The following PLCE1 variants were observed in gnomAD, a reference collection of about 807,000 sequenced individuals.
PLCE1 encodes the protein 1-phosphatidylinositol 4,5-bisphosphate phosphodiesterase epsilon-1.
A neutral mutation model predicts 242.8 loss-of-function variants in PLCE1; 119 were observed. The observed-to-expected ratio is 0.49, with a 90% CI of 0.42 to 0.57. The LOEUF is 0.57. Ranked by LOEUF, PLCE1 falls within the 20% of genes least tolerant of loss-of-function variation. The pLI, the probability that PLCE1 is intolerant of heterozygous loss-of-function variation, is 0.00. For missense variants in PLCE1, 2,441 were observed against 2,788.8 expected (o/e 0.88, Z 2.81); for synonymous variants, 945 against 1,017.4 (o/e 0.93, Z 1.35).
intron 32 of PLCE1, among the ~76,000 whole-genome samples, chr10:94,326,075 T>C (rs954934083): frequency 1.3e-5 from 2 of 152,166 alleles, no homozygotes; most frequent in African/African-American, 4.8e-5. Context: ...CAGTGGTAAG[T>C]CTCTCCTTTT....
chr10:94,105,088 C>G (rs1482808940), intron 2 of PLCE1: 1 of 152,100 alleles, frequency 6.6e-6, no homozygotes, highest in East Asian at 1.9e-4. Context: ...TTTGTGATGC[C>G]ATGAAAATGA....
At chr10:94,067,717 A>C (rs2044237872) in intron 2 of PLCE1, among the ~76,000 whole-genome samples, 1 of 152,228 alleles carries the variant, frequency 6.6e-6, no homozygotes, top group Non-Finnish European at 1.5e-5. Context: ...ATTAGTGGAA[A>C]GAGTCATCTA....
chr10:94,227,918 C>T (rs1435812597), intron 5 of PLCE1, among the ~76,000 whole-genome samples: 1 of 152,218 alleles, frequency 6.6e-6, no homozygotes, highest in Non-Finnish European at 1.5e-5. Flanking sequence ...TTAACAAACA[C>T]TATATGTCAA....
intron 32 of PLCE1, 25 bp downstream of exon 32, chr10:94,325,129 T>G: frequency 6.7e-7 from 1 of 1,499,876 alleles, no homozygotes; most frequent in Non-Finnish European, 9.3e-7. Context: ...TGCACCATCC[T>G]GGAACAGGGC....
chr10:94,059,455 A>G (rs142012059), intron 2 of PLCE1, among the ~76,000 whole-genome samples: 3 of 152,106 alleles, frequency 2.0e-5, no homozygotes. Context: ...CTGGGTGGAG[A>G]TCTCAGATGA....
At chr10:94,131,746 G>A (rs964538571) in intron 2 of PLCE1, among the ~76,000 whole-genome samples, 4 of 152,212 alleles carry the variant, frequency 2.6e-5, no homozygotes, top group African/African-American at 9.6e-5. Flanking sequence ...GTTTAAGCAT[G>A]GAGAAAAGAT....
rs757088793 is a variant in PLCE1, at chr10:94,236,114, G to C, written c.2414G>C (p.Arg805Pro). Reference protein sequence around the residue: ...SRKSSLKDKSRWQFIIGDLLD... With the variant: ...SRKSSLKDKSPWQFIIGDLLD... ...AAAAGCTCCTTGAAGGATAAAAGCCGATGGCAGTAAGTTTTACACGTTAAA... is the reference window on the plus strand; with the variant it reads ...AAAAGCTCCTTGAAGGATAAAAGCCCATGGCAGTAAGTTTTACACGTTAAA... The change falls in exon 7 of 33, where the codon CGA becomes CCA. Residue 805 changes from arginine to proline, a missense_variant. Around this residue, in one of 5 missense-constraint regions of PLCE1, gnomAD observed 733 missense variants for 754.2 expected, o/e 0.97. Transcript: ENST00000371380. The C allele has an allele frequency of 6.2e-7, 1 of 1,613,006 alleles. No homozygotes were observed. Among genetic ancestry groups the C allele is most frequent in the South Asian group, 1.1e-5 (1 of 91,040 alleles).
chr10:94,252,711 A>G (rs753358624), intron 9 of PLCE1, among the ~76,000 whole-genome samples: 6 of 152,172 alleles, frequency 3.9e-5, no homozygotes, highest in Non-Finnish European at 8.8e-5. Context: ...ATAGACATGT[A>G]AACAAACACA....
Position 94,234,236 on chromosome 10 carries a change from T to C in PLCE1, c.2138T>C (p.Leu713Pro). 1 of 1,614,040 alleles carries C rather than the reference T, an allele frequency of 6.2e-7. No homozygotes were observed. The highest frequency in any genetic ancestry group is 8.5e-7 in the Non-Finnish European group (1 of 1,179,958). ...TTCTGTGGGGTGTTTCTGAAGGAGC[T>C]CTGTGAAGTGCTTGACGGCGCCTCC... ...VPFCGVFLKELCEVLDGASGL... is the reference protein window; with the variant it reads ...VPFCGVFLKEPCEVLDGASGL... Residue 713 changes from leucine to proline, a missense_variant, in exon 6 of 33, where the codon CTC (leucine) becomes CCC (proline). Physicochemically the swap from Leu to Pro is moderately conservative, Grantham distance 98. This residue lies in a region of PLCE1 where 733 missense variants were observed against 754.2 expected (regional missense o/e 0.97). Transcript: ENST00000371380.
chr10:94,223,006 G>A (rs985217178), intron 4 of PLCE1, among the ~76,000 whole-genome samples: 2 of 151,998 alleles, frequency 1.3e-5, no homozygotes. Context: ...ACAGCTGGAC[G>A]ACAGCCAGTG....
chr10:94,318,589 TA>T (rs2053658380), intron 29 of PLCE1, among the ~76,000 whole-genome samples: 1 of 152,190 alleles, frequency 6.6e-6, no homozygotes, highest in Admixed American at 6.5e-5. Context: ...CATCCTGTGC[TA>T]CCCAAGCTGA....
chr10:94,286,543 CATATT>C (rs1330894950), intron 22 of PLCE1, among the ~76,000 whole-genome samples: 1 of 152,048 alleles, frequency 6.6e-6, no homozygotes, highest in Non-Finnish European at 1.5e-5. Context: ...TAAAAAAAAT[CATATT>C]ATTTAATGAT....
At chr10:94,192,708 G>T (rs554490774) in intron 4 of PLCE1, among the ~76,000 whole-genome samples, 10 of 152,290 alleles carry the variant, frequency 6.6e-5, no homozygotes, top group Admixed American at 2.0e-4. Context: ...CAATGAGATT[G>T]CTGGGTCGAA....
intron 8 of PLCE1, 53 bp downstream of exon 8, chr10:94,246,674 A>G (rs529199582): frequency 2.0e-6 from 3 of 1,505,318 alleles, no homozygotes; most frequent in East Asian, 4.6e-5. Flanking sequence ...TCAAGAGCAC[A>G]CACTGGGTGA....
At chr10:94,187,172 G>A (rs1467503000) in intron 4 of PLCE1, among the ~76,000 whole-genome samples, 1 of 151,132 alleles carries the variant, frequency 6.6e-6, no homozygotes, top group African/African-American at 2.4e-5. Flanking sequence ...GTGTGTGTGT[G>A]TGTGTGTGTG....
intron 2 of PLCE1, among the ~76,000 whole-genome samples, chr10:94,047,232 C>T (rs1228087183): frequency 1.3e-5 from 2 of 152,096 alleles, no homozygotes; most frequent in Non-Finnish European, 2.9e-5. Context: ...ACGTGGTATA[C>T]TGTCTCTTAA....
Position 94,154,570 on chromosome 10 carries a change from T to C in PLCE1, c.1493-16610T>C, listed in dbSNP as rs1473392907. ...TGCAAATCACATATATAATAAGAGATTAATAGCCAGAATATATAGAGAACT... is the reference window on the plus strand; with the variant it reads ...TGCAAATCACATATATAATAAGAGACTAATAGCCAGAATATATAGAGAACT... On this transcript the variant is annotated intron_variant, in intron 3 of 32. Coordinates refer to ENST00000371380, the MANE Select transcript of PLCE1 (RefSeq NM_016341.4). 4.6e-5 allele frequency among the ~76,000 whole-genome samples: 7 copies of C among 151,640 alleles called. No homozygotes were observed. The East Asian group carries it at 1.4e-3, about 29-fold the overall frequency.
rs1262146828 is a variant in PLCE1 at position 94,171,343 on chromosome 10, A to G, written c.1656A>G (p.Pro552=). 9 of 1,614,060 alleles carry G rather than the reference A, an allele frequency of 5.6e-6. No individual in the cohort carries two copies. In the African/African-American group the frequency reaches 9.3e-5, roughly 17 times the overall value. The change falls in exon 4 of 33, where the codon CCA becomes CCG. Residue 552 remains proline, a synonymous_variant. Transcript: ENST00000371380. ...QEQTIYRRVL[P]VDYLCFLTRD... ...AGACTATTTACCGCAGGGTCTTGCC[A>G]GTCGACTACCTTTGCTTCTTAACAC...
chr10:94,107,220 A>G (rs1160866552), intron 2 of PLCE1: 1 of 152,284 alleles, frequency 6.6e-6, no homozygotes, highest in East Asian at 1.9e-4. Context: ...AGTGTGATTA[A>G]GAAAGGAACA....
Sources: gnomAD v4.1 joint callset for allele counts (sites outside exome capture counted in the v4.1 genomes callset) on GRCh38, gnomAD v4.1.1 for gene constraint, gnomAD v4.1.1 regional missense constraint, MANE v1.5 for transcripts, NCBI Gene and HGNC (gene_info 2026-07-23, HGNC 2026-07-21) for gene names.